Variants in ZNF827 observed in about 807,000 individuals in gnomAD.
ZNF827 encodes zinc finger protein 827.
A neutral mutation model predicts 102.4 loss-of-function variants in ZNF827; 13 were observed. The observed-to-expected ratio is 0.13, with a 90% confidence interval of 0.08 to 0.20. The LOEUF is 0.20. ZNF827 is among the 10% of genes least tolerant of loss of function. ZNF827 has a pLI of 1.00. For missense variants in ZNF827, 1,103 were observed against 1,344.4 expected (o/e 0.82, Z 2.81); for synonymous variants, 523 against 536.2 (o/e 0.98, Z 0.34).
At chr4:145,847,024 C>T (rs569102312) in intron 6 of ZNF827, among the ~76,000 whole-genome samples, 26 of 151,770 alleles carry the variant, frequency 1.7e-4, no homozygotes, top group Non-Finnish European at 2.9e-4. Context: ...CGTGATGGCG[C>T]GTGCCTGTAG....
At chr4:145,807,781 A>AC (rs1273318217) in intron 8 of ZNF827, among the ~76,000 whole-genome samples, 7 of 150,510 alleles carry the variant, frequency 4.7e-5, no homozygotes, top group African/African-American at 1.5e-4. Flanking sequence ...CTTTAAAAAA[A>AC]AAAAACAAAA....
At chr4:145,883,382 T>C (rs1197706369) in intron 4 of ZNF827, among the ~76,000 whole-genome samples, 1 of 152,172 alleles carries the variant, frequency 6.6e-6, no homozygotes, top group Non-Finnish European at 1.5e-5. Flanking sequence ...TACCAAACCA[T>C]AAACAACTCC....
intron 7 of ZNF827, among the ~76,000 whole-genome samples, chr4:145,826,970 T>C (rs7688621): frequency 0.11 from 15,999 of 152,008 alleles, 1,978 homozygotes; most frequent in East Asian, 0.47. Flanking sequence ...TGGTCTCGAT[T>C]TTCTGACCTC....
intron 1 of ZNF827, among the ~76,000 whole-genome samples, chr4:145,905,805 A>C (rs1751815719): frequency 6.6e-6 from 1 of 152,254 alleles, no homozygotes. Flanking sequence ...CCCTACAGTA[A>C]GAATTTGTTG....
intron 11 of ZNF827, among the ~76,000 whole-genome samples, chr4:145,771,640 G>A (rs1189211322): frequency 6.6e-6 from 1 of 152,172 alleles, no homozygotes; most frequent in Non-Finnish European, 1.5e-5. Context: ...AAGCGGAAAT[G>A]CCTAATGAGA....
chr4:145,875,951 C>G (rs1175459336), intron 4 of ZNF827, among the ~76,000 whole-genome samples: 2 of 152,172 alleles, frequency 1.3e-5, no homozygotes, highest in Non-Finnish European at 2.9e-5. Context: ...TCAAAGCGTG[C>G]ATCATCCACT....
chr4:145,793,301 T>A (rs1024211045), intron 8 of ZNF827, among the ~76,000 whole-genome samples: 2 of 138,448 alleles, frequency 1.4e-5, no homozygotes, highest in African/African-American at 5.3e-5. Context: ...GATATATATC[T>A]TATATATACT....
At chr4:145,819,473 G>A (rs12646351) in intron 8 of ZNF827, among the ~76,000 whole-genome samples, 28,498 of 152,066 alleles carry the variant, frequency 0.19, 2,755 homozygotes, top group Non-Finnish European at 0.22. Context: ...AATGGCAATG[G>A]GTCTGCTTTT....
intron 8 of ZNF827, among the ~76,000 whole-genome samples, chr4:145,805,855 G>A (rs75198867): frequency 0.028 from 4,188 of 152,034 alleles, 132 homozygotes; most frequent in East Asian, 0.1. Flanking sequence ...TTCCCCACGA[G>A]GCAATACAGG....
intron 8 of ZNF827, among the ~76,000 whole-genome samples, chr4:145,786,146 C>T (rs1738822848): frequency 1.3e-5 from 2 of 152,076 alleles, no homozygotes; most frequent in Non-Finnish European, 1.5e-5. Context: ...TAAGCAAAAC[C>T]TCAAAAAACA....
At chr4:145,849,237 G>GA (rs1320279492) in intron 6 of ZNF827, 85 bp downstream of exon 6, 1 of 1,293,688 alleles carries the variant, frequency 7.7e-7, no homozygotes, top group Non-Finnish European at 1.0e-6. Flanking sequence ...TATAATTCAG[G>GA]TTTTTTTTTT....
intron 5 of ZNF827, among the ~76,000 whole-genome samples, chr4:145,854,279 G>A (rs1746844631): frequency 1.3e-5 from 2 of 151,912 alleles, no homozygotes; most frequent in African/African-American, 4.8e-5. Context: ...TTACAGGTGG[G>A]AAGGGAAGGA....
chr4:145,844,126 C>T (rs1235534951), intron 7 of ZNF827, among the ~76,000 whole-genome samples: 1 of 152,144 alleles, frequency 6.6e-6, no homozygotes, highest in East Asian at 1.9e-4. Flanking sequence ...CCCACAGACA[C>T]AAGCACATAC....
At chr4:145,813,332 A>G (rs1310139654) in intron 8 of ZNF827, among the ~76,000 whole-genome samples, 2 of 152,188 alleles carry the variant, frequency 1.3e-5, no homozygotes, top group East Asian at 3.8e-4. Context: ...CCACATTCAC[A>G]TAACTTTTAT....
intron 1 of ZNF827, among the ~76,000 whole-genome samples, chr4:145,915,095 A>C (rs542381112): frequency 1.3e-5 from 2 of 152,340 alleles, no homozygotes; most frequent in African/African-American, 4.8e-5. Context: ...TGACAACAGA[A>C]GGCATCCTGT....
At chr4:145,789,836 A>G (rs924952075) in intron 8 of ZNF827, among the ~76,000 whole-genome samples, 1 of 152,226 alleles carries the variant, frequency 6.6e-6, no homozygotes, top group African/African-American at 2.4e-5. Flanking sequence ...AAATCTAAAG[A>G]GAGCTTTATT....
chr4:145,895,320 C>A (rs572925758), intron 2 of ZNF827, among the ~76,000 whole-genome samples: 4 of 152,274 alleles, frequency 2.6e-5, no homozygotes, highest in African/African-American at 9.6e-5. Flanking sequence ...CCCTAATCAA[C>A]AATTCTTTAT....
chr4:145,856,104 C>T (rs1032501238), intron 5 of ZNF827, among the ~76,000 whole-genome samples: 1 of 151,988 alleles, frequency 6.6e-6, no homozygotes, highest in Admixed American at 6.6e-5. Flanking sequence ...AAGCAATTCT[C>T]CTGCCTCAGG....
At chr4:145,826,962 G>T (rs972113124) in intron 7 of ZNF827, among the ~76,000 whole-genome samples, 13 of 151,926 alleles carry the variant, frequency 8.6e-5, no homozygotes, top group Admixed American at 8.5e-4. Context: ...GGCCAGGCTG[G>T]TCTCGATTTT....
Sources: allele counts gnomAD v4.1 joint callset (sites outside exome capture counted in the v4.1 genomes callset), GRCh38; gene constraint gnomAD v4.1.1; transcripts MANE v1.5; gene names NCBI Gene and HGNC (gene_info 2026-07-23, HGNC 2026-07-21).